The following INPPL1 variants were observed in gnomAD, a reference collection of about 807,000 sequenced individuals.
The protein encoded by INPPL1 is phosphatidylinositol 3,4,5-trisphosphate 5-phosphatase 2.
A neutral mutation model predicts 139.3 loss-of-function variants in INPPL1; 91 were observed. That is an observed-to-expected ratio of 0.65 (90% confidence interval 0.55 to 0.78). The LOEUF is 0.78. Among genes scored for constraint, INPPL1 ranks in the 30% least tolerant of loss-of-function variants. The pLI, the probability that INPPL1 is intolerant of heterozygous loss-of-function variation, is 0.00. For synonymous variants in INPPL1, 719 were observed against 686.6 expected (o/e 1.05, Z -0.74); for missense variants, 1,411 against 1,665.6 (o/e 0.85, Z 2.66).
Position 72,234,732 on chromosome 11 carries a change from A to T in INPPL1, c.2415+117A>T, listed in dbSNP as rs113591795. 0.022 allele frequency: 11,674 copies of T among 521,486 alleles called. 7 individuals are homozygous for T. Among genetic ancestry groups the T allele is most frequent in the South Asian group, 0.054 (2,160 of 39,856 alleles). The allele number at this position is 521,486 out of a possible 1,614,324, so 32.3% of individuals were successfully genotyped here. The stretch of plus-strand genomic sequence containing the variant: ...GGGGCCAGCAGAGAGAGAGAGAGAG[A>T]GTGTGTGTGTGTGTGTGTGTGTGTG... On this transcript the variant is annotated intron_variant, in intron 21 of 27. Transcript: ENST00000298229. The surrounding 1 kb of genome is among the most constrained non-coding windows in gnomAD (Gnocchi z 4.2).
chr11:72,227,833 C>G, intron 1 of INPPL1: 1 of 350,892 alleles, frequency 2.8e-6, no homozygotes, highest in Non-Finnish European at 5.4e-6. Context: ...TCTGAAGACT[C>G]TTACTCTGGC....
Position 72,228,793 on chromosome 11 carries a change from G to A in INPPL1, c.464G>A (p.Gly155Glu), listed in dbSNP as rs1030220603. ...TCCACCAGCATTTCTGCCCCCACTG[G>A]GCCCAGCAGTCCCCTGCCAGCTCCT... is the stretch of plus-strand genomic sequence containing the variant. ...SGSTSISAPTGPSSPLPAPET... is the reference protein window; with the variant it reads ...SGSTSISAPTEPSSPLPAPET... The change falls in exon 4 of 28, where the codon GGG becomes GAG. Residue 155 changes from glycine to glutamate, a missense_variant. Coordinates refer to ENST00000298229, the MANE Select transcript of INPPL1 (RefSeq NM_001567.4). This position sits in a 1 kb window ranked among gnomAD's most constrained non-coding sequence, Gnocchi z 5.0. 1.2e-6 allele frequency: 2 copies of A among 1,612,836 alleles called. No individual in the cohort carries two copies. The highest frequency in any genetic ancestry group is 1.7e-6 in the Non-Finnish European group (2 of 1,179,434).
In INPPL1 at chr11:72,234,650, A is replaced by AG. The variant is rs1189844362; in HGVS notation, c.2415+38dup. On this transcript the variant is annotated intron_variant, in intron 21 of 27. Coordinates refer to ENST00000298229, the MANE Select transcript of INPPL1 (RefSeq NM_001567.4). This position sits in a 1 kb window ranked among gnomAD's most constrained non-coding sequence, Gnocchi z 4.2. ...TGGGCAGGGCCCCTGCTTATGGGTG[A>AG]GGGCACAGAGAGGGGTACATAAGAG... 1 of 1,496,728 alleles carries AG rather than the reference A, an allele frequency of 6.7e-7. No homozygotes were observed. The highest frequency in any genetic ancestry group is 9.3e-7 in the Non-Finnish European group (1 of 1,074,750). 92.7% of individuals were successfully genotyped at this position (1,496,728 alleles called of 1,614,324 possible). A position where few individuals can be genotyped will look rare whatever the true frequency, so the allele number is the denominator to read the frequency against.
At position 72,237,431 on chromosome 11, in the gene INPPL1, A is replaced by G. The variant is rs998185943; in HGVS notation, c.3187A>G (p.Ile1063Val). The change falls in exon 26 of 28, where the codon ATC becomes GTC. Residue 1063 changes from isoleucine to valine, a missense_variant. Physicochemically the swap from Ile to Val is conservative, Grantham distance 29. Around this residue, in one of 5 missense-constraint regions of INPPL1, gnomAD observed 438 missense variants for 425.7 expected, o/e 1.03. Coordinates refer to ENST00000298229, the MANE Select transcript of INPPL1 (RefSeq NM_001567.4). Reference sequence around the variant, plus strand: ...ACCTCCACCACTGCCGGACTCAGCCATCTTCCTGCCCCCCAGCCTGGATCC... The same window carrying G: ...ACCTCCACCACTGCCGGACTCAGCCGTCTTCCTGCCCCCCAGCCTGGATCC... ...FPPPPLPDSA[I>V]FLPPSLDPLP... 6.2e-7 allele frequency: 1 copy of G among 1,610,820 alleles called. No individual in the cohort carries two copies. Among genetic ancestry groups the G allele is most frequent in the African/African-American group, 1.3e-5 (1 of 74,870 alleles).
chr11:72,236,087 C>A, intron 25 of INPPL1, 101 bp downstream of exon 25: 1 of 683,526 alleles, frequency 1.5e-6, no homozygotes, highest in East Asian at 2.7e-5. Flanking sequence ...TCATCAGCTG[C>A]TTAGGTGCCC....
At position 72,234,520 on chromosome 11, in the gene INPPL1, A is replaced by ACC; in HGVS notation, c.2327-4_2327-3dup. The stretch of plus-strand genomic sequence containing the variant: ...GCTCAGTTGGGTGTCTCCCACCCCC[A>ACC]CCCCAGAATACAAGAAGAGCTTTGA... On this transcript the variant is annotated splice_polypyrimidine_tract_variant and splice_region_variant and intron_variant, in intron 20 of 27. Coordinates refer to ENST00000298229, the MANE Select transcript of INPPL1 (RefSeq NM_001567.4). The surrounding 1 kb of genome is among the most constrained non-coding windows in gnomAD (Gnocchi z 4.2). 3.0e-6 allele frequency: 4 copies of ACC among 1,312,292 alleles called. No individual in the cohort carries two copies. The highest frequency in any genetic ancestry group is 1.2e-5 in the South Asian group (1 of 84,866). 81.3% of individuals were successfully genotyped at this position (1,312,292 alleles called of 1,614,324 possible).
Position 72,234,447 on chromosome 11 carries a change from G to A in INPPL1, c.2326+53G>A, listed in dbSNP as rs1426326786. The A allele has an allele frequency of 3.8e-6, 6 of 1,593,234 alleles. No individual in the cohort carries two copies. In the Admixed American group the frequency reaches 8.3e-5, roughly 22 times the overall value. ...GGGCCAAGGAGGATGGGAGGCAAGA[G>A]GGTGCAGTCAGCCCCCTACTTAGGG... On this transcript the variant is annotated intron_variant, in intron 20 of 27. Transcript: ENST00000298229. This position sits in a 1 kb window ranked among gnomAD's most constrained non-coding sequence, Gnocchi z 4.2.
Position 72,238,403 on chromosome 11 carries a change from A to C in INPPL1, c.*50A>C. 1 of 1,465,314 alleles carries C rather than the reference A, an allele frequency of 6.8e-7. No homozygotes were observed. The highest frequency in any genetic ancestry group is 9.1e-7 in the Non-Finnish European group (1 of 1,096,126). 90.8% of individuals were successfully genotyped at this position (1,465,314 alleles called of 1,614,324 possible). A position where few individuals can be genotyped will look rare whatever the true frequency, so the allele number is the denominator to read the frequency against. The stretch of plus-strand genomic sequence containing the variant: ...AACTCAGAGCCCCTCCCTGCTACCA[A>C]GGCCCAGCTATGGCCCCAGGGTTGA... On this transcript the variant is annotated 3_prime_UTR_variant, in exon 28 of 28. Transcript: ENST00000298229.
chr11:72,231,305 C>G, intron 12 of INPPL1, 116 bp downstream of exon 12: 1 of 1,076,738 alleles, frequency 9.3e-7, no homozygotes, highest in Non-Finnish European at 1.4e-6. Context: ...TCTCTGGTCC[C>G]TGAGCATATC....
chr11:72,238,272 C>T lies in INPPL1; in HGVS notation c.3696C>T (p.Thr1232=), dbSNP rs560477019. 4 of 1,612,642 alleles carry T rather than the reference C, an allele frequency of 2.5e-6. No homozygotes were observed. In the South Asian group the frequency reaches 3.3e-5, roughly 13 times the overall value. The change falls in exon 28 of 28, where the codon ACC becomes ACT. Residue 1232 remains threonine, a synonymous_variant. Transcript: ENST00000298229. ...CTGTTTTACTCCACAGTGACATCACCGAGGAGGACTTGGAGGAGGCTGGGG... is the reference window on the plus strand; with the variant it reads ...CTGTTTTACTCCACAGTGACATCACTGAGGAGGACTTGGAGGAGGCTGGGG... ...WDDLEFLSDI[T]EEDLEEAGVQ...
Position 72,235,247 on chromosome 11 carries a change from G to T in INPPL1, c.2503+44G>T. The T allele has an allele frequency of 6.2e-7, 1 of 1,613,858 alleles. No homozygotes were observed. Among genetic ancestry groups the T allele is most frequent in the African/African-American group, 1.3e-5 (1 of 74,976 alleles). On this transcript the variant is annotated intron_variant, in intron 22 of 27. Transcript: ENST00000298229. The surrounding 1 kb of genome is among the most constrained non-coding windows in gnomAD (Gnocchi z 4.9). ...TGAGGGGAACAGGAAGCCAGACAGG[G>T]CCCTAGATTAGCTTGGTAATTTGCT...
Position 72,237,704 on chromosome 11 carries a change from C to T in INPPL1, c.3460C>T (p.Pro1154Ser), listed in dbSNP as rs745466235. ...ALLPGPLELQ[P>S]PRGLPSDYGR... Reference sequence around the variant, plus strand: ...CCTCCCAGGCCCCCTGGAGCTGCAGCCCCCCCGGGGACTGCCCTCGGACTA... The same window carrying T: ...CCTCCCAGGCCCCCTGGAGCTGCAGTCCCCCCGGGGACTGCCCTCGGACTA... The change falls in exon 26 of 28, where the codon CCC becomes TCC. Residue 1154 changes from proline (P) to serine (S), a missense_variant. Physicochemically the swap from Pro to Ser is moderately conservative, Grantham distance 74 (BLOSUM62 -1). Around this residue, in one of 5 missense-constraint regions of INPPL1, gnomAD observed 438 missense variants for 425.7 expected, o/e 1.03. Transcript: ENST00000298229. 9 of 1,610,276 alleles carry T rather than the reference C, an allele frequency of 5.6e-6. No homozygotes were observed. Among genetic ancestry groups the T allele is most frequent in the South Asian group, 3.3e-5 (3 of 90,748 alleles).
chr11:72,229,461 C>T lies in INPPL1; in HGVS notation c.660-4C>T. ...GAGTTCTTTTGATCTGATGTCTTCC[C>T]TAGTGAGGTGGACAAGGTCCTGTCA... On this transcript the variant is annotated splice_polypyrimidine_tract_variant and splice_region_variant and intron_variant, in intron 5 of 27. Coordinates refer to ENST00000298229, the MANE Select transcript of INPPL1 (RefSeq NM_001567.4). 6.2e-7 allele frequency: 1 copy of T among 1,613,810 alleles called. No individual in the cohort carries two copies. Among genetic ancestry groups the T allele is most frequent in the South Asian group, 1.1e-5 (1 of 91,050 alleles).
chr11:72,228,162 A>T lies in INPPL1; in HGVS notation c.183-28A>T. Reference sequence around the variant, plus strand: ...GGTCTTAGACCCCAGCCTGGGGGTGACAGATTCTGGCCCTGCCTTGGCATC... The same window carrying T: ...GGTCTTAGACCCCAGCCTGGGGGTGTCAGATTCTGGCCCTGCCTTGGCATC... On this transcript the variant is annotated intron_variant, in intron 1 of 27. Coordinates refer to ENST00000298229, the MANE Select transcript of INPPL1 (RefSeq NM_001567.4). This position sits in a 1 kb window ranked among gnomAD's most constrained non-coding sequence, Gnocchi z 5.0. 1 of 1,613,668 alleles carries T rather than the reference A, an allele frequency of 6.2e-7. No individual in the cohort carries two copies. Among genetic ancestry groups the T allele is most frequent in the Non-Finnish European group, 8.5e-7 (1 of 1,179,622 alleles).
rs112903949 is a variant in INPPL1, at chr11:72,234,732, A to AGTGTGT, written c.2415+144_2415+149dup. The stretch of plus-strand genomic sequence containing the variant: ...GGGGCCAGCAGAGAGAGAGAGAGAG[A>AGTGTGT]GTGTGTGTGTGTGTGTGTGTGTGTG... On this transcript the variant is annotated intron_variant, in intron 21 of 27. Transcript: ENST00000298229. The surrounding 1 kb of genome is among the most constrained non-coding windows in gnomAD (Gnocchi z 4.2). 28,064 of 520,848 alleles carry AGTGTGT rather than the reference A, an allele frequency of 0.054. 392 individuals carry two copies. The highest frequency in any genetic ancestry group is 0.07 in the Non-Finnish European group (20,572 of 292,874). 32.3% of individuals were successfully genotyped at this position (520,848 alleles called of 1,614,324 possible).
chr11:72,237,775 C>A lies in INPPL1; in HGVS notation c.3531C>A (p.Ile1177=). 1 of 1,608,470 alleles carries A rather than the reference C, an allele frequency of 6.2e-7. No individual in the cohort carries two copies. The highest frequency in any genetic ancestry group is 2.2e-5 in the East Asian group (1 of 44,618). The part of the protein sequence containing the change: ...SFPPPRIRES[I]QEDLAEEAPC... ...CTCCACCCCGCATCCGGGAGAGCAT[C>A]CAGGAAGACCTGGCAGAGGAGGTGT... is the stretch of plus-strand genomic sequence containing the variant. Residue 1177 remains isoleucine, a synonymous_variant, in exon 26 of 28, where the codon ATC becomes ATA. Transcript: ENST00000298229.
rs999433306 is a variant in INPPL1 at position 72,229,087 on chromosome 11, A to G, written c.519-3A>G. 3.7e-6 allele frequency: 6 copies of G among 1,604,812 alleles called. No individual in the cohort carries two copies. Among genetic ancestry groups the G allele is most frequent in the Non-Finnish European group, 5.1e-6 (6 of 1,174,142 alleles). On this transcript the variant is annotated splice_polypyrimidine_tract_variant and splice_region_variant and intron_variant, in intron 4 of 27. Transcript: ENST00000298229. The stretch of plus-strand genomic sequence containing the variant: ...CCACTGACTTCTTAACCCCTCCCCA[A>G]AGTGCTCCCAATGGGCTGAGCACCG...
In INPPL1 at chr11:72,235,409, C is replaced by G. The variant is rs757101862; in HGVS notation, c.2617C>G (p.Arg873Gly). The G allele has an allele frequency of 1.2e-6, 2 of 1,613,580 alleles. No individual in the cohort carries two copies. The highest frequency in any genetic ancestry group is 1.7e-5 in the Admixed American group (1 of 60,014). Reference protein sequence around the residue: ...TGNIRGSMKVRVPTERLGTRE... With the variant: ...TGNIRGSMKVGVPTERLGTRE... Reference sequence around the variant, plus strand: ...CAATATCAGAGGCTCCATGAAGGTGCGGGTGCCCACGGAGCGCCTGGGCAC... The same window carrying G: ...CAATATCAGAGGCTCCATGAAGGTGGGGGTGCCCACGGAGCGCCTGGGCAC... The change falls in exon 23 of 28, where the codon CGG (arginine) becomes GGG (glycine). Residue 873 changes from arginine to glycine, a missense_variant. Transcript: ENST00000298229. This position sits in a 1 kb window ranked among gnomAD's most constrained non-coding sequence, Gnocchi z 4.9.
At position 72,237,163 on chromosome 11, in the gene INPPL1, G is replaced by T; in HGVS notation, c.2919G>T (p.Ala973=). The T allele has an allele frequency of 6.2e-7, 1 of 1,601,084 alleles. No individual in the cohort carries two copies. The highest frequency in any genetic ancestry group is 8.5e-7 in the Non-Finnish European group (1 of 1,170,382). ...PEGAPEPEGV[A]APPPKNSFNN... ...GAGCTCCTGAACCAGAAGGGGTGGC[G>T]GCCCCCCCACCCAAGAACAGCTTCA... Residue 973 remains alanine, a synonymous_variant, in exon 26 of 28, where the codon GCG becomes GCT. Coordinates refer to ENST00000298229, the MANE Select transcript of INPPL1 (RefSeq NM_001567.4).
Sources: allele counts gnomAD v4.1 joint callset, GRCh38; gene constraint gnomAD v4.1.1; regional missense constraint gnomAD v4.1.1; non-coding constraint Gnocchi (gnomAD v3.1); transcripts MANE v1.5; gene names NCBI Gene and HGNC (gene_info 2026-07-23, HGNC 2026-07-21).